The following HSPBAP1 variants were observed in gnomAD, a reference collection of about 807,000 sequenced individuals.
HSPBAP1 encodes HSPB1 associated protein 1.
HSPBAP1 carries 27 observed loss-of-function variants against 45.2 expected under a neutral mutation model. That is an observed-to-expected ratio of 0.60 (90% CI 0.44 to 0.82). HSPBAP1 has a LOEUF of 0.82. HSPBAP1 is among the 40% of genes least tolerant of loss of function. The probability of loss-of-function intolerance (pLI) is 0.00; values close to 1 mark genes in which losing one functional copy is unlikely to be tolerated. For missense variants in HSPBAP1, 510 were observed against 590.9 expected (o/e 0.86, Z 1.42); for synonymous variants, 204 against 202.7 (o/e 1.01, Z -0.06).
chr3:122,757,206 T>C (rs1238508248), intron 4 of HSPBAP1, among the ~76,000 whole-genome samples: 1 of 152,218 alleles, frequency 6.6e-6, no homozygotes, highest in Non-Finnish European at 1.5e-5. Flanking sequence ...TTTAAAAACT[T>C]CTCATGGTTC....
At chr3:122,789,047 T>G (rs1055571501) in intron 1 of HSPBAP1, among the ~76,000 whole-genome samples, 2 of 152,234 alleles carry the variant, frequency 1.3e-5, no homozygotes, top group Admixed American at 6.5e-5. Context: ...TACATATGGA[T>G]TCTAACATGG....
chr3:122,784,888 A>G (rs760729032), intron 1 of HSPBAP1, among the ~76,000 whole-genome samples: 2 of 152,230 alleles, frequency 1.3e-5, no homozygotes, highest in Admixed American at 6.5e-5. Flanking sequence ...ACTGTTTACA[A>G]TGCACTTTTA....
intron 6 of HSPBAP1, among the ~76,000 whole-genome samples, chr3:122,748,471 A>C (rs978354106): frequency 7.9e-5 from 12 of 152,242 alleles, no homozygotes; most frequent in African/African-American, 2.9e-4. Context: ...AAATGCAAAA[A>C]ACATGAAACA....
chr3:122,768,209 T>TG (rs751842587), intron 3 of HSPBAP1, among the ~76,000 whole-genome samples: 4 of 152,210 alleles, frequency 2.6e-5, no homozygotes, highest in Non-Finnish European at 5.9e-5. Context: ...TACCAAATAC[T>TG]GGGAGCCAAG....
At chr3:122,751,942 G>A (rs1266686046) in intron 6 of HSPBAP1, among the ~76,000 whole-genome samples, 1 of 152,180 alleles carries the variant, frequency 6.6e-6, no homozygotes, top group Non-Finnish European at 1.5e-5. Flanking sequence ...TGCAATCCAG[G>A]CTTCAGGTCA....
chr3:122,769,300 AAAT>A (rs1934901606), intron 2 of HSPBAP1, among the ~76,000 whole-genome samples: 1 of 152,246 alleles, frequency 6.6e-6, no homozygotes, highest in African/African-American at 2.4e-5. Context: ...AGGATTTAGT[AAAT>A]AAAAACTTGA....
chr3:122,741,063 C>T lies in HSPBAP1; in HGVS notation c.876G>A (p.Val292=), dbSNP rs1933651261. 2.5e-6 allele frequency: 4 copies of T among 1,614,180 alleles called. No individual in the cohort carries two copies. The highest frequency in any genetic ancestry group is 2.2e-5 in the South Asian group (2 of 91,090). Residue 292 remains valine (V), a synonymous_variant, in exon 7 of 8, where the codon GTG becomes GTA. Coordinates refer to ENST00000306103, the MANE Select transcript of HSPBAP1 (RefSeq NM_024610.6). ...RVEEAITRML[V]CALKTAENPQ... is the part of the protein sequence containing the mutation. ...GATTCTCTGCAGTTTTCAGGGCACACACAAGCATACGGGTGATTGCCTCTT... is the reference window on the plus strand; with the variant it reads ...GATTCTCTGCAGTTTTCAGGGCACATACAAGCATACGGGTGATTGCCTCTT...
At chr3:122,758,915 A>AAAAAACAAAAAAAAAAAAAAAAAAAAAAG in intron 4 of HSPBAP1, 1 of 367,442 alleles carries the variant, frequency 2.7e-6, no homozygotes. Context: ...AAAAAAAAAA[A>AAAAAACAAAAAAAAAAAAAAAAAAAAAAG]AGACCAAGCA....
intron 2 of HSPBAP1, among the ~76,000 whole-genome samples, chr3:122,769,203 T>G (rs1397317529): frequency 6.6e-6 from 1 of 152,202 alleles, no homozygotes; most frequent in Non-Finnish European, 1.5e-5. Context: ...AAATTCACAA[T>G]ACTCAGGATT....
intron 2 of HSPBAP1, among the ~76,000 whole-genome samples, chr3:122,773,212 G>A (rs1032571574): frequency 2.0e-5 from 3 of 151,068 alleles, no homozygotes; most frequent in Non-Finnish European, 4.4e-5. Context: ...ATCCCAATAA[G>A]GAAATAGTCA....
At position 122,777,906 on chromosome 3, in the gene HSPBAP1, C is replaced by A. The variant is rs371279414; in HGVS notation, c.65G>T (p.Gly22Val). The A allele has an allele frequency of 5.0e-6, 8 of 1,607,396 alleles. No homozygotes were observed. In the African/African-American group the frequency reaches 8.0e-5, roughly 16 times the overall value. Residue 22 changes from glycine to valine, a missense_variant and splice_region_variant, in exon 2 of 8, where the codon GGT becomes GTT. By Grantham distance (109) the Gly-to-Val change is moderately radical (BLOSUM62 -3). Transcript: ENST00000306103. ...IVAAGAGGEE[G>V]EHVKPFKPEK... ...TGGCTTAAAAGGTTTGACATGTTCA[C>A]CTAGAAAGAGAAATGAATACAGCAA...
At chr3:122,780,607 A>AC (rs1195908120) in intron 1 of HSPBAP1, among the ~76,000 whole-genome samples, 7 of 128,418 alleles carry the variant, frequency 5.5e-5, no homozygotes, top group South Asian at 2.5e-4. Context: ...CGGGGGGCTG[A>AC]CCCCCCCACA....
intron 4 of HSPBAP1, among the ~76,000 whole-genome samples, chr3:122,758,438 T>A (rs911062703): frequency 6.6e-6 from 1 of 152,048 alleles, no homozygotes; most frequent in Non-Finnish European, 1.5e-5. Context: ...AAATTTAGAG[T>A]TGAAAGCGTC....
At chr3:122,758,327 C>G (rs1383174217) in intron 4 of HSPBAP1, among the ~76,000 whole-genome samples, 1 of 152,192 alleles carries the variant, frequency 6.6e-6, no homozygotes, top group Non-Finnish European at 1.5e-5. Context: ...ATATCAAAAG[C>G]ACTGCCTATC....
At chr3:122,745,239 G>A (rs778982818) in intron 6 of HSPBAP1, among the ~76,000 whole-genome samples, 2 of 151,798 alleles carry the variant, frequency 1.3e-5, no homozygotes, top group African/African-American at 2.4e-5. Flanking sequence ...TAATTTTCAG[G>A]TAATCTGAGA....
intron 6 of HSPBAP1, among the ~76,000 whole-genome samples, chr3:122,745,300 A>T (rs1022613457): frequency 2.6e-5 from 4 of 152,160 alleles, no homozygotes; most frequent in African/African-American, 9.7e-5. Context: ...AAAATAAAAT[A>T]ATTCAAATTA....
intron 5 of HSPBAP1, chr3:122,753,458 A>C: frequency 2.0e-6 from 2 of 981,862 alleles, no homozygotes; most frequent in Non-Finnish European, 2.4e-6. Flanking sequence ...TGGTTAAAAT[A>C]GTGGTATCGA....
intron 6 of HSPBAP1, among the ~76,000 whole-genome samples, chr3:122,747,949 G>C (rs909388983): frequency 6.6e-6 from 1 of 152,226 alleles, no homozygotes; most frequent in African/African-American, 2.4e-5. Context: ...AGGGGGGAAC[G>C]GTGGGGAAAA....
intron 2 of HSPBAP1, among the ~76,000 whole-genome samples, chr3:122,773,805 T>C (rs1439735376): frequency 6.6e-6 from 1 of 150,546 alleles, no homozygotes; most frequent in Non-Finnish European, 1.5e-5. Context: ...CCAAGATAAT[T>C]TTTTTATACT....
Sources: gnomAD v4.1 joint callset for allele counts (sites outside exome capture counted in the v4.1 genomes callset) on GRCh38, gnomAD v4.1.1 for gene constraint, MANE v1.5 for transcripts, NCBI Gene and HGNC (gene_info 2026-07-23, HGNC 2026-07-21) for gene names.